MAP3K1: variants seen among roughly 807,000 people sequenced by gnomAD.
MAP3K1 encodes mitogen-activated protein kinase kinase kinase 1.
MAP3K1 carries 36 observed loss-of-function variants against 144.2 expected under a neutral mutation model. The observed-to-expected ratio is 0.25, with a 90% CI of 0.19 to 0.33. The LOEUF (loss-of-function observed/expected upper bound fraction) is 0.33. Among genes scored for constraint, MAP3K1 ranks in the 10% least tolerant of loss-of-function variants. MAP3K1 has a pLI of 1.00. For missense variants in MAP3K1, 1,650 were observed against 1,881.9 expected, an observed-to-expected ratio of 0.88 and a Z score of 2.28; for synonymous variants, 718 against 688.7, an observed-to-expected ratio of 1.04 and a Z score of -0.67.
At chr5:56,891,137 G>GAC (rs1287488078) in intron 19 of MAP3K1, among the ~76,000 whole-genome samples, 15 of 55,458 alleles carry the variant, frequency 2.7e-4, no homozygotes, top group South Asian at 9.7e-4. Context: ...AACACACACA[G>GAC]ACACACACAC....
intron 1 of MAP3K1, among the ~76,000 whole-genome samples, chr5:56,843,426 A>G (rs560656815): frequency 6.6e-6 from 1 of 152,344 alleles, no homozygotes; most frequent in South Asian, 2.1e-4. Context: ...GGGTCTTTAC[A>G]ATGAAATGAG....
intron 19 of MAP3K1, among the ~76,000 whole-genome samples, chr5:56,889,927 T>C: frequency 6.6e-6 from 1 of 152,172 alleles, no homozygotes. Context: ...CTGTTTTGTA[T>C]TATCACCTCA....
intron 1 of MAP3K1, among the ~76,000 whole-genome samples, chr5:56,827,152 G>A (rs1289504862): frequency 6.6e-6 from 1 of 152,194 alleles, no homozygotes; most frequent in African/African-American, 2.4e-5. Context: ...TGTAGTTCAG[G>A]TAACTCGGCC....
chr5:56,887,287 A>G, intron 17 of MAP3K1, 91 bp from the exon 18 acceptor site: 1 of 1,217,552 alleles, frequency 8.2e-7, no homozygotes, highest in Non-Finnish European at 1.2e-6. Flanking sequence ...TTCTTTTGTC[A>G]TTGTCCTAGT....
At chr5:56,829,882 G>A (rs1273623448) in intron 1 of MAP3K1, among the ~76,000 whole-genome samples, 1 of 152,208 alleles carries the variant, frequency 6.6e-6, no homozygotes, top group Non-Finnish European at 1.5e-5. Flanking sequence ...AGTTTTTTAA[G>A]TGGATAGTAG....
chr5:56,824,274 C>G (rs1045346470), intron 1 of MAP3K1, among the ~76,000 whole-genome samples: 1 of 152,184 alleles, frequency 6.6e-6, no homozygotes, highest in African/African-American at 2.4e-5. Flanking sequence ...TCTAAGCAGC[C>G]AAAGGACCTG....
chr5:56,886,452 A>AT (rs1554036309), intron 17 of MAP3K1, among the ~76,000 whole-genome samples: 1 of 152,080 alleles, frequency 6.6e-6, no homozygotes, highest in Non-Finnish European at 1.5e-5. Flanking sequence ...TAACAGTGGG[A>AT]TTTTTTTCTC....
Position 56,881,704 on chromosome 5 carries a change from C to T in MAP3K1, c.2504C>T (p.Ser835Leu), listed in dbSNP as rs2111941382. The T allele has an allele frequency of 1.9e-6, 3 of 1,614,126 alleles. No individual in the cohort carries two copies. Among genetic ancestry groups the T allele is most frequent in the Non-Finnish European group, 2.5e-6 (3 of 1,180,022 alleles). ...GTTACTACAGTACCCCATGTGTTTT[C>T]AAAACTGTTAGAAATGCTGAGTGTT... ...RMVTTVPHVF[S>L]KLLEMLSVSS... is the part of the protein sequence containing the mutation. The change falls in exon 14 of 20, where the codon TCA becomes TTA. Residue 835 changes from serine to leucine, a missense_variant. By Grantham distance (145) the Ser-to-Leu change is moderately radical. Around this residue, in one of 6 missense-constraint regions of MAP3K1, gnomAD observed 841 missense variants for 886.5 expected, o/e 0.95. Coordinates refer to ENST00000399503, the MANE Select transcript of MAP3K1 (RefSeq NM_005921.2).
chr5:56,838,748 G>T (rs1363273230), intron 1 of MAP3K1, among the ~76,000 whole-genome samples: 3 of 152,300 alleles, frequency 2.0e-5, no homozygotes, highest in African/African-American at 7.2e-5. Context: ...TCTTCCAGTG[G>T]ATTGACTAGG....
At chr5:56,827,807 T>C (rs1322526471) in intron 1 of MAP3K1, among the ~76,000 whole-genome samples, 2 of 151,584 alleles carry the variant, frequency 1.3e-5, no homozygotes, top group Non-Finnish European at 2.9e-5. Flanking sequence ...GAGGTTGCAG[T>C]GAGCTGAGAT....
chr5:56,851,750 C>A (rs1386761348), intron 1 of MAP3K1, among the ~76,000 whole-genome samples: 1 of 152,294 alleles, frequency 6.6e-6, no homozygotes, highest in South Asian at 2.1e-4. Flanking sequence ...ATTCCTGGAC[C>A]AGGCAGCTGT....
At chr5:56,876,909 G>A (rs1748049751) in intron 10 of MAP3K1, among the ~76,000 whole-genome samples, 1 of 152,104 alleles carries the variant, frequency 6.6e-6, no homozygotes, top group African/African-American at 2.4e-5. Context: ...CATTCCTAAA[G>A]CATATTCTGT....
In MAP3K1 at chr5:56,840,616, A is replaced by C. The variant is rs1414547099; in HGVS notation, c.483-15984A>C. Among the ~76,000 whole-genome samples the C allele has an allele frequency of 2.0e-5, 3 of 152,196 alleles. No homozygotes were observed. The South Asian group carries it at 6.2e-4, about 32-fold the overall frequency. On this transcript the variant is annotated intron_variant, in intron 1 of 19. Coordinates refer to ENST00000399503, the MANE Select transcript of MAP3K1 (RefSeq NM_005921.2). ...GCTTTTCTCCTTTTAAAAAACAGAA[A>C]ACCCTAACTTCTGTAACTTGACTGA...
intron 1 of MAP3K1, among the ~76,000 whole-genome samples, chr5:56,851,554 A>G (rs557229764): frequency 6.6e-6 from 1 of 152,210 alleles, no homozygotes; most frequent in Admixed American, 6.5e-5. Context: ...TCTTTCTTCT[A>G]ATTTCTCTCT....
intron 1 of MAP3K1, among the ~76,000 whole-genome samples, chr5:56,838,810 CA>C (rs112263094): frequency 4.6e-5 from 7 of 152,228 alleles, no homozygotes; most frequent in African/African-American, 1.7e-4. Flanking sequence ...GGTGTAGAAA[CA>C]AAACCTAAGC....
At chr5:56,836,069 T>G (rs913781300) in intron 1 of MAP3K1, among the ~76,000 whole-genome samples, 1 of 152,154 alleles carries the variant, frequency 6.6e-6, no homozygotes, top group African/African-American at 2.4e-5. Flanking sequence ...GAGATAATAT[T>G]CTAACAAAAA....
At chr5:56,830,907 C>T (rs1746466854) in intron 1 of MAP3K1, among the ~76,000 whole-genome samples, 1 of 148,704 alleles carries the variant, frequency 6.7e-6, no homozygotes, top group Non-Finnish European at 1.5e-5. Context: ...AATACCTAGT[C>T]TAGGATTGAT....
At chr5:56,892,377 G>T (rs1454552634) in intron 19 of MAP3K1, among the ~76,000 whole-genome samples, 1 of 152,086 alleles carries the variant, frequency 6.6e-6, no homozygotes, top group Admixed American at 6.5e-5. Context: ...CATTGATTTT[G>T]TATCCTGAGA....
intron 10 of MAP3K1, 148 bp from the exon 11 acceptor site, chr5:56,878,832 T>C (rs886290927): frequency 5.2e-5 from 37 of 709,452 alleles, no homozygotes; most frequent in Non-Finnish European, 8.9e-5. Context: ...AGTTGTATTA[T>C]TACAGAAGCA....
Sources: gnomAD v4.1 joint callset for allele counts (sites outside exome capture counted in the v4.1 genomes callset) on GRCh38, gnomAD v4.1.1 for gene constraint, gnomAD v4.1.1 regional missense constraint, MANE v1.5 for transcripts, NCBI Gene and HGNC (gene_info 2026-07-23, HGNC 2026-07-21) for gene names.